Variants in GRM7 observed in about 807,000 individuals in gnomAD.
GRM7 encodes glutamate metabotropic receptor 7, also known as metabotropic glutamate receptor 7.
A neutral mutation model predicts 84.5 loss-of-function variants in GRM7; 35 were observed. That is an observed-to-expected ratio of 0.41 (90% CI 0.32 to 0.55). The LOEUF (loss-of-function observed/expected upper bound fraction) is 0.55, where lower values mean the gene tolerates loss of function less well. Ranked by LOEUF, GRM7 falls within the 20% of genes least tolerant of loss-of-function variation. The pLI, the probability that GRM7 is intolerant of heterozygous loss-of-function variation, is 0.19. For synonymous variants in GRM7, 487 were observed against 455.1 expected, an observed-to-expected ratio of 1.07 and a Z score of -0.89; for missense variants, 1,003 against 1,194.6, an observed-to-expected ratio of 0.84 and a Z score of 2.36.
intron 7 of GRM7, among the ~76,000 whole-genome samples, chr3:7,577,621 C>G (rs1252480148): frequency 6.6e-6 from 1 of 152,148 alleles, no homozygotes; most frequent in African/African-American, 2.4e-5. Flanking sequence ...GTATGTTCCC[C>G]TCCAGAAAAC....
At chr3:7,053,992 AT>A (rs1029971059) in intron 1 of GRM7, among the ~76,000 whole-genome samples, 1 of 151,006 alleles carries the variant, frequency 6.6e-6, no homozygotes, top group African/African-American at 2.4e-5. Flanking sequence ...GATTTATTTA[AT>A]TTTATCAATA....
At chr3:7,267,066 A>C (rs1698668732) in intron 2 of GRM7, among the ~76,000 whole-genome samples, 1 of 152,280 alleles carries the variant, frequency 6.6e-6, no homozygotes, top group Middle Eastern at 3.4e-3. Flanking sequence ...TTTTGAAGAA[A>C]CTTACCATAA....
At chr3:7,563,214 CT>C (rs1694104255) in intron 7 of GRM7, among the ~76,000 whole-genome samples, 1 of 152,042 alleles carries the variant, frequency 6.6e-6, no homozygotes, top group Non-Finnish European at 1.5e-5. Flanking sequence ...TTCTATTGTT[CT>C]TTTTTGTACA....
chr3:6,946,006 G>A (rs189814049), intron 1 of GRM7, among the ~76,000 whole-genome samples: 2 of 152,128 alleles, frequency 1.3e-5, no homozygotes, highest in African/African-American at 4.8e-5. Flanking sequence ...CCGTTTTGTA[G>A]GTTGCCTGTT....
chr3:7,256,468 A>G (rs1274563979), intron 2 of GRM7, among the ~76,000 whole-genome samples: 1 of 152,208 alleles, frequency 6.6e-6, no homozygotes, highest in African/African-American at 2.4e-5. Flanking sequence ...TTGTATTAGA[A>G]AAAAGGCTGG....
intron 1 of GRM7, among the ~76,000 whole-genome samples, chr3:6,949,061 G>T (rs917243558): frequency 2.2e-5 from 3 of 135,448 alleles, no homozygotes; most frequent in Non-Finnish European, 5.0e-5. Flanking sequence ...TTACATTTAA[G>T]GTTAGTATTG....
chr3:7,122,462 A>G (rs1004089321), intron 1 of GRM7, among the ~76,000 whole-genome samples: 7 of 152,204 alleles, frequency 4.6e-5, no homozygotes, highest in African/African-American at 7.2e-5. Flanking sequence ...AGATAAAATG[A>G]CTACTAAAAC....
chr3:7,250,642 G>A (rs568792629), intron 2 of GRM7, among the ~76,000 whole-genome samples: 1 of 145,876 alleles, frequency 6.9e-6, no homozygotes, highest in African/African-American at 2.5e-5. Context: ...TCCTTCCTCA[G>A]CCTCCCAAGT....
intron 1 of GRM7, among the ~76,000 whole-genome samples, chr3:7,093,805 T>C (rs1698759264): frequency 6.7e-6 from 1 of 149,710 alleles, no homozygotes; most frequent in African/African-American, 2.5e-5. Flanking sequence ...TAAGCTCCCC[T>C]ATTGAATACT....
Position 7,558,498 on chromosome 3 carries a change from G to A in GRM7, c.1516-19924G>A, listed in dbSNP as rs558932725. 7.2e-5 allele frequency among the ~76,000 whole-genome samples: 11 copies of A among 152,148 alleles called. No individual in the cohort carries two copies. In the South Asian group the frequency reaches 2.3e-3, roughly 32 times the overall value. The stretch of plus-strand genomic sequence containing the variant: ...GCTGTAGGAGAATTCTGCAAGTGTA[G>A]CAAATTTATCCCAGTGTGAGGGAAG... On this transcript the variant is annotated intron_variant, in intron 7 of 9. Transcript: ENST00000357716.
intron 2 of GRM7, among the ~76,000 whole-genome samples, chr3:7,220,050 G>A (rs1696748763): frequency 1.3e-5 from 2 of 152,148 alleles, no homozygotes; most frequent in Admixed American, 1.3e-4. Context: ...ATATCCATAA[G>A]TCCCTGGCTG....
chr3:6,927,731 A>G (rs532793385), intron 1 of GRM7, among the ~76,000 whole-genome samples: 1 of 152,274 alleles, frequency 6.6e-6, no homozygotes, highest in African/African-American at 2.4e-5. Context: ...ATTTTTATCT[A>G]TATTACATTT....
chr3:7,310,244 C>G (rs1700343879), intron 4 of GRM7, among the ~76,000 whole-genome samples: 2 of 151,972 alleles, frequency 1.3e-5, no homozygotes, highest in African/African-American at 2.4e-5. Flanking sequence ...TAATGACTCT[C>G]ACAATTGGTG....
At chr3:7,646,555 C>G (rs1379131092) in intron 8 of GRM7, among the ~76,000 whole-genome samples, 1 of 152,138 alleles carries the variant, frequency 6.6e-6, no homozygotes, top group East Asian at 1.9e-4. Flanking sequence ...TACTGAACTT[C>G]TTGATGGTCC....
chr3:7,360,655 A>C (rs537070343), intron 4 of GRM7, among the ~76,000 whole-genome samples: 1 of 152,234 alleles, frequency 6.6e-6, no homozygotes, highest in South Asian at 2.1e-4. Flanking sequence ...TTCTCCACAT[A>C]AATTAGCAAG....
chr3:7,322,051 T>C (rs1700803996), intron 4 of GRM7, among the ~76,000 whole-genome samples: 1 of 152,056 alleles, frequency 6.6e-6, no homozygotes, highest in Non-Finnish European at 1.5e-5. Flanking sequence ...CCCTTGAAAT[T>C]AGTTGGGTAA....
rs115142193 is a variant in GRM7 at position 7,689,881 on chromosome 3, A to G, written c.2698+9586A>G. Among the ~76,000 whole-genome samples the G allele has an allele frequency of 4.7e-3, 723 of 152,244 alleles. 4 individuals are homozygous for G. The highest frequency in any genetic ancestry group is 0.014 in the African/African-American group (600 of 41,550). ...TAGGAGTGGGGGACAGGAGGGGACA[A>G]TGCCTTCAGGGAGCTCAGATCTGAT... is the stretch of plus-strand genomic sequence containing the variant. On this transcript the variant is annotated intron_variant, in intron 9 of 9. Coordinates refer to ENST00000357716, the MANE Select transcript of GRM7 (RefSeq NM_000844.4).
chr3:7,211,484 C>G (rs1696425370), intron 2 of GRM7, among the ~76,000 whole-genome samples: 2 of 152,058 alleles, frequency 1.3e-5, no homozygotes, highest in African/African-American at 4.8e-5. Flanking sequence ...GCCTGAAACC[C>G]TACCTGGTAA....
At chr3:7,271,162 G>T (rs1453082191) in intron 2 of GRM7, among the ~76,000 whole-genome samples, 1 of 152,170 alleles carries the variant, frequency 6.6e-6, no homozygotes, top group Non-Finnish European at 1.5e-5. Context: ...TCTGCAGTTT[G>T]CCTCAAGGTT....
Sources: allele counts gnomAD v4.1 joint callset (sites outside exome capture counted in the v4.1 genomes callset), GRCh38; gene constraint gnomAD v4.1.1; transcripts MANE v1.5; gene names NCBI Gene and HGNC (gene_info 2026-07-23, HGNC 2026-07-21).